Variants in STXBP4 observed in about 807,000 individuals in gnomAD.
The protein encoded by STXBP4 is syntaxin-binding protein 4.
STXBP4 carries 55 observed loss-of-function variants against 76.1 expected under a neutral mutation model. The observed-to-expected ratio is 0.72, with a 90% CI of 0.58 to 0.91. The LOEUF is 0.91. STXBP4 is among the 40% of genes least tolerant of loss of function. The pLI is 0.00. For missense variants in STXBP4, 618 were observed against 636.9 expected (o/e 0.97, Z 0.32); for synonymous variants, 201 against 220.2 (o/e 0.91, Z 0.77).
At position 54,999,768 on chromosome 17, in the gene STXBP4, T is replaced by C. The variant is rs2077877478; in HGVS notation, c.424T>C (p.Ser142Pro). Residue 142 changes from serine to proline, a missense_variant, in exon 6 of 18, where the codon TCT (serine) becomes CCT (proline). By Grantham distance (74) the Ser-to-Pro change is moderately conservative. Transcript: ENST00000376352. ...AGCCTCAACATTAAGTCTTTTTTCT[T>C]CTCCTCCTGAAATACTAATCCCAAA... Reference protein sequence around the residue: ...PQASTLSLFSSPPEILIPKTS... With the variant: ...PQASTLSLFSPPPEILIPKTS... 1 of 1,613,440 alleles carries C rather than the reference T, an allele frequency of 6.2e-7. No individual in the cohort carries two copies. Among genetic ancestry groups the C allele is most frequent in the Non-Finnish European group, 8.5e-7 (1 of 1,179,752 alleles).
chr17:55,068,256 T>C (rs556353117), intron 12 of STXBP4, among the ~76,000 whole-genome samples: 5 of 152,150 alleles, frequency 3.3e-5, no homozygotes, highest in Non-Finnish European at 5.9e-5. Flanking sequence ...AAGTATTCTT[T>C]AGGGCTTGGT....
intron 2 of STXBP4, among the ~76,000 whole-genome samples, 198 bp from the exon 3 acceptor site, chr17:54,985,944 T>A (rs1037953037): frequency 6.6e-6 from 1 of 152,232 alleles, no homozygotes; most frequent in African/African-American, 2.4e-5. Context: ...ATCTATCTAA[T>A]GAGCTGTCTT....
At chr17:55,078,019 G>A in intron 13 of STXBP4, 59 bp from the exon 14 acceptor site, 1 of 994,318 alleles carries the variant, frequency 1.0e-6, no homozygotes, top group Non-Finnish European at 1.5e-6. Flanking sequence ...CTGAAAATAG[G>A]GACCAGTAAT....
the STXBP4 span, among the ~76,000 whole-genome samples, chr17:55,196,009 C>T: frequency 6.6e-6 from 1 of 152,112 alleles, no homozygotes; most frequent in African/African-American, 2.4e-5. Flanking sequence ...CTGCCATATC[C>T]CTACTGCTTG....
chr17:55,180,836 G>GACCATT, the STXBP4 span, among the ~76,000 whole-genome samples: 1 of 152,216 alleles, frequency 6.6e-6, no homozygotes, highest in African/African-American at 2.4e-5. Context: ...CAAGAGGAAA[G>GACCATT]ACCATTTTAG....
chr17:54,971,883 A>G (rs1365333229), intron 1 of STXBP4, among the ~76,000 whole-genome samples: 1 of 152,002 alleles, frequency 6.6e-6, no homozygotes, highest in East Asian at 1.9e-4. Context: ...TTGGTCTCCC[A>G]TAGTGCTGGG....
At chr17:55,053,620 C>T (rs1410337917) in intron 12 of STXBP4, among the ~76,000 whole-genome samples, 6 of 152,064 alleles carry the variant, frequency 3.9e-5, no homozygotes, top group Non-Finnish European at 7.4e-5. Flanking sequence ...GAAATTATTT[C>T]CAAAGTCAAG....
intron 9 of STXBP4, 66 bp from the exon 10 acceptor site, chr17:55,034,102 A>G (rs2078557984): frequency 3.4e-6 from 4 of 1,164,142 alleles, no homozygotes; most frequent in Non-Finnish European, 3.7e-6. Context: ...GCAACTTCAT[A>G]TAGAATAAAG....
chr17:55,069,153 C>CA (rs991465831), intron 12 of STXBP4, among the ~76,000 whole-genome samples: 8,517 of 75,584 alleles, frequency 0.11, 611 homozygotes, highest in African/African-American at 0.27. Flanking sequence ...TCAGTGTTGC[C>CA]AAAAAAAAAA....
At chr17:55,110,948 A>T (rs1431211917) in intron 16 of STXBP4, among the ~76,000 whole-genome samples, 1 of 152,248 alleles carries the variant, frequency 6.6e-6, no homozygotes, top group Non-Finnish European at 1.5e-5. Context: ...AGAAATGAGT[A>T]GACTCATAAC....
At chr17:55,014,671 T>C (rs906640447) in intron 8 of STXBP4, among the ~76,000 whole-genome samples, 1 of 152,140 alleles carries the variant, frequency 6.6e-6, no homozygotes, top group African/African-American at 2.4e-5. Context: ...GCTGGATCCA[T>C]CTGGTTAGTG....
intron 3 of STXBP4, among the ~76,000 whole-genome samples, chr17:54,987,414 G>A (rs2077641934): frequency 6.6e-6 from 1 of 152,120 alleles, no homozygotes; most frequent in Non-Finnish European, 1.5e-5. Context: ...ATATTCTTAA[G>A]TAAAAGGTGT....
chr17:55,138,247 C>G (rs1340994622), intron 16 of STXBP4, among the ~76,000 whole-genome samples: 2 of 151,922 alleles, frequency 1.3e-5, no homozygotes, highest in Non-Finnish European at 2.9e-5. Context: ...GTATATTGAA[C>G]ATCTAGCAAA....
intron 17 of STXBP4, among the ~76,000 whole-genome samples, chr17:55,158,964 G>A (rs567508548): frequency 6.6e-6 from 1 of 152,342 alleles, no homozygotes; most frequent in South Asian, 2.1e-4. Context: ...GATATTGTTG[G>A]TGGGGTGCAG....
At chr17:55,094,341 T>A (rs2079456397) in intron 16 of STXBP4, among the ~76,000 whole-genome samples, 1 of 152,098 alleles carries the variant, frequency 6.6e-6, no homozygotes, top group Admixed American at 6.5e-5. Flanking sequence ...TAACATGATA[T>A]GGTCTACATT....
At chr17:55,097,855 A>G (rs2145002254) in intron 16 of STXBP4, among the ~76,000 whole-genome samples, 1 of 152,334 alleles carries the variant, frequency 6.6e-6, no homozygotes, top group South Asian at 2.1e-4. Flanking sequence ...GAATTCTATA[A>G]GCTGGCTGAG....
At chr17:54,986,356 C>G in intron 3 of STXBP4, 90 bp downstream of exon 3, 1 of 942,000 alleles carries the variant, frequency 1.1e-6, no homozygotes, top group Non-Finnish European at 1.6e-6. Flanking sequence ...TTACATCTAG[C>G]TCTCTAATGT....
At chr17:55,056,731 A>G (rs771580244) in intron 12 of STXBP4, among the ~76,000 whole-genome samples, 6 of 152,152 alleles carry the variant, frequency 3.9e-5, no homozygotes, top group Non-Finnish European at 5.9e-5. Context: ...GGCCAAGCCC[A>G]GTGGCTAATG....
At chr17:55,081,696 T>A (rs1437598059) in intron 16 of STXBP4, among the ~76,000 whole-genome samples, 1 of 152,152 alleles carries the variant, frequency 6.6e-6, no homozygotes, top group Non-Finnish European at 1.5e-5. Context: ...TTAAATGGCT[T>A]GGAATAGCTG....
Sources: allele counts gnomAD v4.1 joint callset (sites outside exome capture counted in the v4.1 genomes callset), GRCh38; gene constraint gnomAD v4.1.1; transcripts MANE v1.5; gene names NCBI Gene and HGNC (gene_info 2026-07-23, HGNC 2026-07-21).